MYRIP: variants seen among roughly 807,000 people sequenced by gnomAD.
MYRIP encodes the protein myosin VIIA and Rab interacting protein.
A neutral mutation model predicts 98.0 loss-of-function variants in MYRIP; 49 were observed. The observed-to-expected ratio is 0.50, with a 90% CI of 0.40 to 0.63. The LOEUF (loss-of-function observed/expected upper bound fraction) is 0.63, where lower values mean the gene tolerates loss of function less well. MYRIP is among the 30% of genes least tolerant of loss of function. The pLI is 0.00. For missense variants in MYRIP, 1,004 were observed against 1,058.2 expected (o/e 0.95, Z 0.71); for synonymous variants, 404 against 409.5 (o/e 0.99, Z 0.16).
chr3:40,232,248 G>T (rs1027201354), intron 11 of MYRIP, among the ~76,000 whole-genome samples: 2 of 152,210 alleles, frequency 1.3e-5, no homozygotes, highest in Non-Finnish European at 2.9e-5. Context: ...TAAGGCTAAG[G>T]AGGAGCCCTC....
intron 2 of MYRIP, among the ~76,000 whole-genome samples, chr3:39,996,142 A>G (rs1231610716): frequency 6.6e-6 from 1 of 152,232 alleles, no homozygotes; most frequent in African/African-American, 2.4e-5. Context: ...CAAAATAACC[A>G]GCTAACATCA....
At chr3:40,063,283 G>A (rs1258138805) in intron 3 of MYRIP, among the ~76,000 whole-genome samples, 1 of 152,166 alleles carries the variant, frequency 6.6e-6, no homozygotes, top group Non-Finnish European at 1.5e-5. Context: ...CATTGGGACA[G>A]TTGGAAATAT....
At chr3:39,989,625 T>G (rs1236616608) in intron 2 of MYRIP, among the ~76,000 whole-genome samples, 1 of 152,080 alleles carries the variant, frequency 6.6e-6, no homozygotes, top group Non-Finnish European at 1.5e-5. Flanking sequence ...GAGGAAAGAA[T>G]AAGTCTACTG....
rs1948475228 is a variant in MYRIP, at chr3:40,081,324, A to ATTC, written c.332+37053_332+37054insTTC. Among the ~76,000 whole-genome samples the ATTC allele has an allele frequency of 2.0e-5, 3 of 152,226 alleles. No individual in the cohort carries two copies. In the South Asian group the frequency reaches 6.2e-4, roughly 32 times the overall value. ...GACTGCTTGTTATATCAATTACTGA[A>ATTC]AAAGGCATTTCAAAATCTACCCTAA... On this transcript the variant is annotated intron_variant, in intron 3 of 16. Coordinates refer to ENST00000302541, the MANE Select transcript of MYRIP (RefSeq NM_015460.4).
In MYRIP at chr3:40,033,850, C is replaced by T. The variant is rs528248879; in HGVS notation, c.111-10200C>T. Among the ~76,000 whole-genome samples the T allele has an allele frequency of 2.0e-4, 30 of 152,222 alleles. No homozygotes were observed. In the East Asian group the frequency reaches 5.6e-3, roughly 28 times the overall value. On this transcript the variant is annotated intron_variant, in intron 2 of 16. Transcript: ENST00000302541. ...TACAAGGCTACAGTAACCAAAACAG[C>T]ATGGTACTGGTATCAAAACAGAGAC...
intron 3 of MYRIP, among the ~76,000 whole-genome samples, chr3:40,057,093 A>G (rs1947900872): frequency 2.6e-5 from 4 of 152,102 alleles, no homozygotes; most frequent in East Asian, 3.9e-4. Context: ...TTTAGCATCT[A>G]TGGACTATGC....
chr3:40,097,308 A>G (rs781377112), intron 3 of MYRIP, among the ~76,000 whole-genome samples: 1 of 152,162 alleles, frequency 6.6e-6, no homozygotes, highest in Non-Finnish European at 1.5e-5. Flanking sequence ...GAGGAAGTCA[A>G]AGAGTCAGGA....
intron 2 of MYRIP, among the ~76,000 whole-genome samples, chr3:39,971,227 C>T (rs6599074): frequency 0.49 from 73,757 of 151,784 alleles, 19,109 homozygotes; most frequent in African/African-American, 0.69. Context: ...ATTGGTTACC[C>T]TTTGTTCTTC....
intron 3 of MYRIP, among the ~76,000 whole-genome samples, chr3:40,104,006 C>A (rs762957981): frequency 3.9e-5 from 6 of 152,222 alleles, no homozygotes; most frequent in Non-Finnish European, 7.4e-5. Context: ...TTTGTAACTA[C>A]TTTTATGACT....
chr3:40,156,717 T>A (rs1050545966), intron 4 of MYRIP, among the ~76,000 whole-genome samples: 23 of 151,816 alleles, frequency 1.5e-4, no homozygotes, highest in African/African-American at 5.6e-4. Context: ...ACATCCCTTG[T>A]AAGTTGGATT....
intron 1 of MYRIP, among the ~76,000 whole-genome samples, chr3:39,866,264 T>G (rs1404364716): frequency 3.3e-5 from 5 of 152,066 alleles, no homozygotes; most frequent in Non-Finnish European, 7.4e-5. Context: ...TGAAATAATC[T>G]ATACACCAAA....
intron 2 of MYRIP, among the ~76,000 whole-genome samples, chr3:39,963,769 AAGC>A (rs760615685): frequency 2.0e-5 from 3 of 152,118 alleles, no homozygotes; most frequent in Non-Finnish European, 2.9e-5. Flanking sequence ...TTAAAAGTAA[AAGC>A]AATATTTTTC....
At chr3:39,919,286 C>T (rs1156285589) in intron 2 of MYRIP, among the ~76,000 whole-genome samples, 1 of 152,176 alleles carries the variant, frequency 6.6e-6, no homozygotes, top group African/African-American at 2.4e-5. Context: ...CTGGGTGCCC[C>T]TGCTAGATTT....
intron 1 of MYRIP, among the ~76,000 whole-genome samples, chr3:39,827,729 T>A (rs1941312026): frequency 6.6e-6 from 1 of 152,194 alleles, no homozygotes; most frequent in South Asian, 2.1e-4. Flanking sequence ...ATGCTGGTAG[T>A]TACTGTCTTT....
intron 3 of MYRIP, among the ~76,000 whole-genome samples, chr3:40,141,403 C>CTTTT (rs1949891557): frequency 6.6e-6 from 1 of 152,188 alleles, no homozygotes; most frequent in African/African-American, 2.4e-5. Flanking sequence ...TGTAGGTTGT[C>CTTTT]TTTTCACTCT....
intron 2 of MYRIP, among the ~76,000 whole-genome samples, chr3:39,984,113 T>G (rs1360925084): frequency 6.6e-6 from 1 of 152,088 alleles, no homozygotes; most frequent in Admixed American, 6.6e-5. Context: ...AAATGGTGAG[T>G]GGTTGTGGGG....
intron 3 of MYRIP, among the ~76,000 whole-genome samples, chr3:40,127,761 C>T (rs1384154682): frequency 6.6e-6 from 1 of 152,206 alleles, no homozygotes; most frequent in African/African-American, 2.4e-5. Flanking sequence ...AGACTACAGA[C>T]ACGGTACAGC....
chr3:39,852,338 C>A (rs551966041), intron 1 of MYRIP, among the ~76,000 whole-genome samples: 3 of 152,312 alleles, frequency 2.0e-5, no homozygotes, highest in African/African-American at 7.2e-5. Flanking sequence ...GGGAGTACAA[C>A]CAGACCCTGC....
intron 2 of MYRIP, among the ~76,000 whole-genome samples, chr3:39,908,171 C>T (rs1210483604): frequency 2.6e-5 from 4 of 152,132 alleles, no homozygotes; most frequent in East Asian, 1.9e-4. Context: ...TCTGTAACTG[C>T]GACTGGCGCC....
Sources: gnomAD v4.1 joint callset for allele counts (sites outside exome capture counted in the v4.1 genomes callset) on GRCh38, gnomAD v4.1.1 for gene constraint, MANE v1.5 for transcripts, NCBI Gene and HGNC (gene_info 2026-07-23, HGNC 2026-07-21) for gene names.